Variants in UGT1A8 observed in about 807,000 individuals in gnomAD.
UGT1A8 encodes UDP glucuronosyltransferase family 1 member A8, also known as UDP-glucuronosyltransferase 1A8.
In UGT1A8, 39 loss-of-function variants were observed where a neutral mutation model predicts 45.3. The observed-to-expected ratio is 0.86, with a 90% CI of 0.67 to 1.12. The LOEUF (loss-of-function observed/expected upper bound fraction) is 1.12. UGT1A8 is among the 50% of genes most tolerant of loss of function. The pLI, the probability that UGT1A8 is intolerant of heterozygous loss-of-function variation, is 0.00. For synonymous variants in UGT1A8, 275 were observed against 249.2 expected, an observed-to-expected ratio of 1.10 and a Z score of -0.97; for missense variants, 719 against 664.9, an observed-to-expected ratio of 1.08 and a Z score of -0.90.
In UGT1A8 at chr2:233,660,107, C is replaced by T. The variant is rs114626705; in HGVS notation, c.855+41545C>T. ...CTCTGTTTTAAGTCCTGTGAAGTCACGCACAACATCTGGACACAGTTTTCT... is the reference window on the plus strand; with the variant it reads ...CTCTGTTTTAAGTCCTGTGAAGTCATGCACAACATCTGGACACAGTTTTCT... On this transcript the variant is annotated intron_variant, in intron 1 of 4. Coordinates refer to ENST00000373450, the MANE Select transcript of UGT1A8 (RefSeq NM_019076.5). Among the ~76,000 whole-genome samples, 331 of 152,318 alleles carry T rather than the reference C, an allele frequency of 2.2e-3. 1 individual carries two copies. The highest frequency in any genetic ancestry group is 7.4e-3 in the African/African-American group (306 of 41,562).
chr2:233,666,960 C>T (rs1286284979), intron 1 of UGT1A8, among the ~76,000 whole-genome samples: 1 of 152,138 alleles, frequency 6.6e-6, no homozygotes, highest in Non-Finnish European at 1.5e-5. Context: ...TCATCAATGT[C>T]CCTACAATGG....
chr2:233,711,687 G>C (rs2125625049), intron 1 of UGT1A8, among the ~76,000 whole-genome samples: 1 of 152,298 alleles, frequency 6.6e-6, no homozygotes, highest in East Asian at 1.9e-4. Flanking sequence ...ATTTCTAATG[G>C]GGGTAACTTC....
intron 1 of UGT1A8, among the ~76,000 whole-genome samples, chr2:233,651,995 A>G (rs2073755053): frequency 6.8e-6 from 1 of 147,966 alleles, no homozygotes; most frequent in Non-Finnish European, 1.5e-5. Context: ...TTTAATTAAG[A>G]AAAAAAAAAG....
Position 233,747,246 on chromosome 2 carries a change from G to C in UGT1A8, c.856-19788G>C, listed in dbSNP as rs1208197105. On this transcript the variant is annotated intron_variant, in intron 1 of 4. Coordinates refer to ENST00000373450, the MANE Select transcript of UGT1A8 (RefSeq NM_019076.5). ...CAGGACCCCAGGTTCCCCTGCTGTG[G>C]CTGGCCACAGGAGTGCTACTCCTTC... The C allele has an allele frequency of 3.7e-6, 6 of 1,601,870 alleles. No individual in the cohort carries two copies. The African/African-American group carries it at 5.4e-5, about 14-fold the overall frequency.
intron 1 of UGT1A8, chr2:233,747,471 G>T (rs1218539477): frequency 6.2e-7 from 1 of 1,608,714 alleles, no homozygotes; most frequent in African/African-American, 1.3e-5. Flanking sequence ...ATGGACCCAG[G>T]ATGAATTTGA....
At chr2:233,736,941 G>A (rs2125804674) in intron 1 of UGT1A8, among the ~76,000 whole-genome samples, 1 of 152,244 alleles carries the variant, frequency 6.6e-6, no homozygotes, top group East Asian at 1.9e-4. Context: ...ACCTATATGA[G>A]GTGTCTGTTG....
In UGT1A8 at chr2:233,618,291, T is replaced by C. The variant is rs2072940633; in HGVS notation, c.584T>C (p.Leu195Ser). The change falls in exon 1 of 5, where the codon TTA becomes TCA. Residue 195 changes from leucine (L) to serine (S), a missense_variant. Physicochemically the swap from Leu to Ser is moderately radical, Grantham distance 145. Coordinates refer to ENST00000373450, the MANE Select transcript of UGT1A8 (RefSeq NM_019076.5). Reference sequence around the variant, plus strand: ...CTTTCCTATGTCCCCAGAATTCTCTTAGGGTTCTCAGATGCCATGACTTTC... The same window carrying C: ...CTTTCCTATGTCCCCAGAATTCTCTCAGGGTTCTCAGATGCCATGACTTTC... ...APLSYVPRILLGFSDAMTFKE... is the reference protein window; with the variant it reads ...APLSYVPRILSGFSDAMTFKE... The C allele has an allele frequency of 6.2e-7, 1 of 1,613,792 alleles. No individual in the cohort carries two copies. Among genetic ancestry groups the C allele is most frequent in the Non-Finnish European group, 8.5e-7 (1 of 1,179,858 alleles).
intron 3 of UGT1A8, 53 bp from the exon 4 acceptor site, chr2:233,768,167 G>T: frequency 5.6e-6 from 9 of 1,613,612 alleles, no homozygotes; most frequent in Non-Finnish European, 7.6e-6. Context: ...GATGTGTCCA[G>T]CTGTGAAACT....
At chr2:233,722,501 C>T (rs767685172) in intron 1 of UGT1A8, among the ~76,000 whole-genome samples, 36 of 152,106 alleles carry the variant, frequency 2.4e-4, no homozygotes, top group Non-Finnish European at 3.8e-4. Context: ...TTTTCCGTTT[C>T]GTTAATTGCA....
intron 1 of UGT1A8, among the ~76,000 whole-genome samples, chr2:233,635,469 A>C (rs2073267164): frequency 6.6e-6 from 1 of 150,812 alleles, no homozygotes; most frequent in Non-Finnish European, 1.5e-5. Context: ...TTAAACAATC[A>C]AATCTCATGA....
chr2:233,770,096 C>T (rs1250263322), intron 4 of UGT1A8: 2 of 152,608 alleles, frequency 1.3e-5, no homozygotes, highest in African/African-American at 4.8e-5. Flanking sequence ...GTATAGATAA[C>T]TACTTGTAAC....
At chr2:233,747,332 A>T in intron 1 of UGT1A8, 1 of 1,603,532 alleles carries the variant, frequency 6.2e-7, no homozygotes, top group Non-Finnish European at 8.5e-7. Flanking sequence ...GATGGCAGCC[A>T]CTGGCTCGCA....
intron 1 of UGT1A8, chr2:233,747,296 G>A: frequency 6.2e-7 from 1 of 1,602,124 alleles, no homozygotes; most frequent in South Asian, 1.1e-5. Flanking sequence ...TGGGCTGAGA[G>A]TGGGAAGGTG....
At chr2:233,729,376 T>C in intron 1 of UGT1A8, 1 of 1,614,080 alleles carries the variant, frequency 6.2e-7, no homozygotes, top group Non-Finnish European at 8.5e-7. Flanking sequence ...TGCCATTTCG[T>C]GGACCCAGGA....
intron 1 of UGT1A8, among the ~76,000 whole-genome samples, chr2:233,750,399 C>A (rs1694444307): frequency 1.3e-5 from 2 of 151,914 alleles, no homozygotes; most frequent in African/African-American, 2.4e-5. Flanking sequence ...AAATTTGCAG[C>A]CTGACCATGT....
chr2:233,660,579 A>G (rs2073942600), intron 1 of UGT1A8, among the ~76,000 whole-genome samples: 2 of 151,780 alleles, frequency 1.3e-5, no homozygotes, highest in Admixed American at 1.3e-4. Context: ...GCTGGCGTTT[A>G]TTTTTTCCCT....
chr2:233,663,190 G>A (rs896038635), intron 1 of UGT1A8, among the ~76,000 whole-genome samples: 2 of 152,162 alleles, frequency 1.3e-5, no homozygotes, highest in African/African-American at 4.8e-5. Flanking sequence ...CACCTTGCCT[G>A]CTGCCTAGAC....
intron 1 of UGT1A8, chr2:233,713,871 G>A: frequency 5.0e-6 from 8 of 1,613,804 alleles, no homozygotes; most frequent in Non-Finnish European, 6.8e-6. Flanking sequence ...CTGTATTGGT[G>A]CCTTTATCCA....
intron 1 of UGT1A8, among the ~76,000 whole-genome samples, chr2:233,763,573 C>T (rs1559410117): frequency 1.3e-5 from 2 of 152,188 alleles, no homozygotes; most frequent in African/African-American, 4.8e-5. Flanking sequence ...TTCTTATTTT[C>T]TCTTTCTTCC....
Sources: gnomAD v4.1 joint callset for allele counts (sites outside exome capture counted in the v4.1 genomes callset) on GRCh38, gnomAD v4.1.1 for gene constraint, MANE v1.5 for transcripts, NCBI Gene and HGNC (gene_info 2026-07-23, HGNC 2026-07-21) for gene names.